SYT10: variants seen among roughly 807,000 people sequenced by gnomAD.
SYT10 encodes synaptotagmin-10.
Under a neutral mutation model 51.1 loss-of-function variants are expected in SYT10, and 31 were observed. The ratio of observed to expected loss-of-function variants is 0.61; its 90% CI spans 0.46 to 0.82. The LOEUF is 0.82. Ranked by LOEUF, SYT10 falls within the 40% of genes least tolerant of loss-of-function variation. The pLI, the probability that SYT10 is intolerant of heterozygous loss-of-function variation, is 0.00. For synonymous variants in SYT10, 233 were observed against 225.9 expected (o/e 1.03, Z -0.28); for missense variants, 603 against 634.0 (o/e 0.95, Z 0.53).
At chr12:33,386,525 A>G (rs1336309845) in intron 3 of SYT10, among the ~76,000 whole-genome samples, 2 of 151,500 alleles carry the variant, frequency 1.3e-5, no homozygotes, top group African/African-American at 4.9e-5. Flanking sequence ...TCTTTCTCTT[A>G]AATCTTTATA....
intron 2 of SYT10, among the ~76,000 whole-genome samples, chr12:33,424,236 T>G (rs1866530085): frequency 6.6e-6 from 1 of 152,180 alleles, no homozygotes; most frequent in Non-Finnish European, 1.5e-5. Flanking sequence ...TCACGTGTTT[T>G]CATTCTCCTC....
rs571580923 is a variant in SYT10, at chr12:33,396,694, T to C, written c.1077+10095A>G. Among the ~76,000 whole-genome samples, 9 of 152,116 alleles carry C rather than the reference T, an allele frequency of 5.9e-5. No homozygotes were observed. In the South Asian group the frequency reaches 1.9e-3, roughly 32 times the overall value. ...ATGAAATGTGGAATTCCACTTTTTT[T>C]TTTTTTTTGAGATGGAGTCTCGCTC... On this transcript the variant is annotated intron_variant, in intron 3 of 6. Transcript: ENST00000228567.
chr12:33,436,103 T>C (rs1226536083), intron 1 of SYT10, among the ~76,000 whole-genome samples: 1 of 152,168 alleles, frequency 6.6e-6, no homozygotes, highest in Non-Finnish European at 1.5e-5. Context: ...CTGTGATTTA[T>C]GACGTCTGCC....
chr12:33,429,124 C>T (rs754995596), intron 1 of SYT10, among the ~76,000 whole-genome samples: 6 of 151,976 alleles, frequency 3.9e-5, no homozygotes, highest in South Asian at 2.1e-4. Flanking sequence ...GGCAATTAAG[C>T]GGAATAATTA....
intron 3 of SYT10, among the ~76,000 whole-genome samples, chr12:33,397,890 G>T (rs1280747330): frequency 6.6e-6 from 1 of 152,160 alleles, no homozygotes; most frequent in Non-Finnish European, 1.5e-5. Flanking sequence ...CAATAAGAAA[G>T]CTTGTGGGCC....
intron 2 of SYT10, among the ~76,000 whole-genome samples, chr12:33,420,653 A>G (rs1866494837): frequency 6.6e-6 from 1 of 152,138 alleles, no homozygotes; most frequent in Admixed American, 6.5e-5. Flanking sequence ...CTCTGTATCA[A>G]AACAACAACA....
chr12:33,405,054 T>C (rs1473813300), intron 3 of SYT10: 1 of 152,176 alleles, frequency 6.6e-6, no homozygotes, highest in Non-Finnish European at 1.5e-5. Context: ...TCGATTATAC[T>C]AATTTTTTAG....
At chr12:33,406,658 T>C (rs10844581) in intron 3 of SYT10, 131 bp downstream of exon 3, 423,266 of 745,738 alleles carry the variant, frequency 0.57, 124,984 homozygotes, top group East Asian at 0.89. Context: ...GAAATGAAAT[T>C]CTACCTTTGC....
intron 2 of SYT10, among the ~76,000 whole-genome samples, chr12:33,409,308 C>T (rs998855879): frequency 2.6e-5 from 4 of 151,750 alleles, no homozygotes; most frequent in Admixed American, 2.6e-4. Context: ...CCTCAACCTC[C>T]CAGGTTGAGG....
chr12:33,380,426 G>A (rs1183121469), intron 5 of SYT10, among the ~76,000 whole-genome samples: 1 of 152,106 alleles, frequency 6.6e-6, no homozygotes, highest in Non-Finnish European at 1.5e-5. Context: ...ATACCTCAGT[G>A]TGTTACCACT....
intron 2 of SYT10, among the ~76,000 whole-genome samples, chr12:33,415,356 A>T (rs1031506326): frequency 6.6e-6 from 1 of 152,202 alleles, no homozygotes; most frequent in African/African-American, 2.4e-5. Context: ...GACAAGCTCA[A>T]ATCTAGGCTT....
intron 3 of SYT10, among the ~76,000 whole-genome samples, chr12:33,398,302 AG>A (rs1866274322): frequency 6.6e-6 from 1 of 152,066 alleles, no homozygotes; most frequent in South Asian, 2.1e-4. Flanking sequence ...TCATGAGGTC[AG>A]GAGATCGAGA....
intron 2 of SYT10, among the ~76,000 whole-genome samples, chr12:33,418,447 A>G (rs1268391306): frequency 6.6e-6 from 1 of 152,156 alleles, no homozygotes; most frequent in Non-Finnish European, 1.5e-5. Context: ...AAATTTATAT[A>G]TGTATCACAG....
At position 33,406,932 on chromosome 12, in the gene SYT10, G is replaced by T; in HGVS notation, c.934C>A (p.Arg312=). ...FPVAYDQLSN[R]KLHFSVYDFD... The stretch of plus-strand genomic sequence containing the variant: ...TCATACACACTGAAATGTAGTTTTC[G>T]GTTGCTTAGTTGATCATATGCTACA... Residue 312 remains arginine, a synonymous_variant, in exon 3 of 7, where the codon CGA becomes AGA. Coordinates refer to ENST00000228567, the MANE Select transcript of SYT10 (RefSeq NM_198992.4). 1 of 1,613,948 alleles carries T rather than the reference G, an allele frequency of 6.2e-7. No individual in the cohort carries two copies. Among genetic ancestry groups the T allele is most frequent in the Non-Finnish European group, 8.5e-7 (1 of 1,179,988 alleles).
At chr12:33,410,064 T>C (rs1866392730) in intron 2 of SYT10, among the ~76,000 whole-genome samples, 2 of 152,218 alleles carry the variant, frequency 1.3e-5, no homozygotes, top group Non-Finnish European at 2.9e-5. Context: ...GGTTAGATGC[T>C]GAAGAAAAAT....
chr12:33,419,511 G>T (rs535898846), intron 2 of SYT10, among the ~76,000 whole-genome samples: 1 of 152,142 alleles, frequency 6.6e-6, no homozygotes, highest in African/African-American at 2.4e-5. Context: ...CCTTTATTCT[G>T]TTCAAAGAAT....
At position 33,374,740 on chromosome 12, in the gene SYT10, T is replaced by C. The variant is rs1866049018; in HGVS notation, c.*2090A>G. 1 of 151,884 alleles carries C rather than the reference T, an allele frequency of 6.6e-6. No individual in the cohort carries two copies. Among genetic ancestry groups the C allele is most frequent in the South Asian group, 2.1e-4 (1 of 4,828 alleles). The allele number at this position is 151,884 out of a possible 1,614,324, so 9.4% of individuals were successfully genotyped here. ...AACTTATTTTAATCTACAATTCCCA[T>C]ATTAGAGTCTTCTGATTGGCCAATG... On this transcript the variant is annotated 3_prime_UTR_variant, in exon 7 of 7. Transcript: ENST00000228567.
intron 1 of SYT10, among the ~76,000 whole-genome samples, chr12:33,438,953 G>C (rs1023348030): frequency 2.6e-5 from 4 of 152,238 alleles, no homozygotes; most frequent in African/African-American, 7.2e-5. Context: ...ACCAGCGGCC[G>C]GTGGAACGAG....
At chr12:33,411,641 A>T (rs544707755) in intron 2 of SYT10, among the ~76,000 whole-genome samples, 2 of 152,290 alleles carry the variant, frequency 1.3e-5, no homozygotes, top group South Asian at 2.1e-4. Context: ...AGGTGAGAGA[A>T]TTGGCCCCTA....
Sources: allele counts gnomAD v4.1 joint callset (sites outside exome capture counted in the v4.1 genomes callset), GRCh38; gene constraint gnomAD v4.1.1; transcripts MANE v1.5; gene names NCBI Gene and HGNC (gene_info 2026-07-23, HGNC 2026-07-21).